Variants in CHST8 observed in about 807,000 individuals in gnomAD.
CHST8 encodes carbohydrate sulfotransferase 8.
A neutral mutation model predicts 15.0 loss-of-function variants in CHST8; 10 were observed. The ratio of observed to expected loss-of-function variants is 0.67; its 90% CI spans 0.41 to 1.13. The LOEUF is 1.13. Among genes scored for constraint, CHST8 ranks in the 50% most tolerant of loss-of-function variants. The pLI is 0.00. For synonymous variants in CHST8, 259 were observed against 256.6 expected (o/e 1.01, Z -0.09); for missense variants, 634 against 608.2 (o/e 1.04, Z -0.45).
intron 3 of CHST8, among the ~76,000 whole-genome samples, chr19:33,690,336 G>C (rs1973077044): frequency 1.3e-5 from 2 of 152,194 alleles, no homozygotes; most frequent in South Asian, 4.1e-4. Context: ...GGGGCCAGAG[G>C]TGTAGGCAGA....
At chr19:33,768,078 C>T (rs1599643539) in intron 3 of CHST8, among the ~76,000 whole-genome samples, 1 of 152,264 alleles carries the variant, frequency 6.6e-6, no homozygotes, top group East Asian at 1.9e-4. Context: ...ACGTGCAGCC[C>T]ACTTGGGGAT....
chr19:33,757,712 A>G (rs1432035051), intron 3 of CHST8, among the ~76,000 whole-genome samples: 4 of 151,546 alleles, frequency 2.6e-5, no homozygotes, highest in Non-Finnish European at 5.9e-5. Flanking sequence ...ATCCATACTC[A>G]GGTTTGGTGT....
intron 3 of CHST8, among the ~76,000 whole-genome samples, chr19:33,724,595 A>T (rs797000265): frequency 1.3e-5 from 2 of 152,318 alleles, no homozygotes; most frequent in Admixed American, 6.5e-5. Flanking sequence ...AAGCCTGGAC[A>T]GTATTGCCTG....
intron 3 of CHST8, among the ~76,000 whole-genome samples, chr19:33,734,502 G>A (rs1974047993): frequency 6.6e-6 from 1 of 152,192 alleles, no homozygotes; most frequent in South Asian, 2.1e-4. Flanking sequence ...ACAGCAATGG[G>A]GACCCACACT....
intron 1 of CHST8, among the ~76,000 whole-genome samples, chr19:33,631,242 T>C (rs574988851): frequency 9.8e-5 from 15 of 152,350 alleles, no homozygotes; most frequent in South Asian, 8.3e-4. Context: ...CTTTTTCCTA[T>C]GTGATTCTTT....
At chr19:33,685,414 A>G (rs918467112) in intron 2 of CHST8, among the ~76,000 whole-genome samples, 5 of 151,284 alleles carry the variant, frequency 3.3e-5, no homozygotes, top group African/African-American at 1.2e-4. Flanking sequence ...GGGGGAGAAA[A>G]GCCACCAGGA....
chr19:33,733,117 A>G (rs1294556800), intron 3 of CHST8, among the ~76,000 whole-genome samples: 2 of 152,142 alleles, frequency 1.3e-5, no homozygotes, highest in East Asian at 3.9e-4. Flanking sequence ...GAAGCTCTCT[A>G]GGAGCCCACC....
chr19:33,757,374 G>A (rs1318786675), intron 3 of CHST8, among the ~76,000 whole-genome samples: 2 of 127,492 alleles, frequency 1.6e-5, no homozygotes, highest in Non-Finnish European at 3.3e-5. Context: ...AGTGAGACGC[G>A]GTCTCAAAAA....
At chr19:33,696,126 A>G (rs1358053755) in intron 3 of CHST8, among the ~76,000 whole-genome samples, 1 of 152,038 alleles carries the variant, frequency 6.6e-6, no homozygotes, top group Non-Finnish European at 1.5e-5. Context: ...GCACCCGGTC[A>G]CCACATTTTC....
chr19:33,688,405 G>T (rs766688820), intron 2 of CHST8, among the ~76,000 whole-genome samples: 1 of 152,196 alleles, frequency 6.6e-6, no homozygotes, highest in Non-Finnish European at 1.5e-5. Context: ...AGGAACACGA[G>T]GGGGTGTTAG....
intron 1 of CHST8, among the ~76,000 whole-genome samples, chr19:33,632,295 A>G (rs1436534173): frequency 6.6e-6 from 1 of 152,016 alleles, no homozygotes; most frequent in Non-Finnish European, 1.5e-5. Context: ...TCCCATCGCC[A>G]TGCCTGGCTA....
intron 1 of CHST8, among the ~76,000 whole-genome samples, chr19:33,622,783 C>T (rs1385089562): frequency 2.6e-5 from 4 of 152,162 alleles, no homozygotes; most frequent in Non-Finnish European, 5.9e-5. Flanking sequence ...GCCTTGGCTT[C>T]CTACCCAGCG....
intron 2 of CHST8, among the ~76,000 whole-genome samples, chr19:33,671,736 C>G (rs1003685524): frequency 4.0e-5 from 6 of 151,886 alleles, no homozygotes; most frequent in Non-Finnish European, 7.4e-5. Context: ...TTCTTCTGTC[C>G]TTAGTATTTC....
At chr19:33,680,544 TTTATC>T (rs1254263941) in intron 2 of CHST8, among the ~76,000 whole-genome samples, 1 of 152,242 alleles carries the variant, frequency 6.6e-6, no homozygotes, top group East Asian at 1.9e-4. Context: ...CAAATACTCT[TTTATC>T]ATAATCACCA....
chr19:33,660,108 T>A (rs1972567878), intron 1 of CHST8, among the ~76,000 whole-genome samples: 1 of 152,208 alleles, frequency 6.6e-6, no homozygotes, highest in South Asian at 2.1e-4. Flanking sequence ...CTGACCAGCC[T>A]TCCTCTGTGG....
chr19:33,709,066 G>A (rs2145290490), intron 3 of CHST8, among the ~76,000 whole-genome samples: 1 of 152,134 alleles, frequency 6.6e-6, no homozygotes, highest in African/African-American at 2.4e-5. Flanking sequence ...ATTGATTTTT[G>A]TATATTTATC....
chr19:33,722,339 A>G (rs1282789625), intron 3 of CHST8, among the ~76,000 whole-genome samples: 1 of 152,050 alleles, frequency 6.6e-6, no homozygotes, highest in African/African-American at 2.4e-5. Flanking sequence ...GGATGGATGG[A>G]TGGGTGGACA....
intron 1 of CHST8, among the ~76,000 whole-genome samples, chr19:33,641,143 C>G (rs535557742): frequency 6.6e-6 from 1 of 152,334 alleles, no homozygotes; most frequent in East Asian, 1.9e-4. Flanking sequence ...CTCCTCAGCT[C>G]CTCGCAGGTG....
At chr19:33,674,623 C>T (rs530456548) in intron 2 of CHST8, among the ~76,000 whole-genome samples, 4 of 152,108 alleles carry the variant, frequency 2.6e-5, no homozygotes, top group African/African-American at 9.7e-5. Flanking sequence ...CACCCTGAGG[C>T]GGAGAGCGGG....
Sources: gnomAD v4.1 joint callset for allele counts (sites outside exome capture counted in the v4.1 genomes callset) on GRCh38, gnomAD v4.1.1 for gene constraint, MANE v1.5 for transcripts, NCBI Gene and HGNC (gene_info 2026-07-23, HGNC 2026-07-21) for gene names.